Variants in ARHGEF3 observed in about 807,000 individuals in gnomAD.
ARHGEF3 encodes 59.8 kDA protein.
ARHGEF3 carries 28 observed loss-of-function variants against 63.2 expected under a neutral mutation model. That is an observed-to-expected ratio of 0.44 (90% CI 0.33 to 0.61). ARHGEF3 has a LOEUF of 0.61. Ranked by LOEUF, ARHGEF3 falls within the 20% of genes least tolerant of loss-of-function variation. The pLI, the probability that ARHGEF3 is intolerant of heterozygous loss-of-function variation, is 0.03. For synonymous variants in ARHGEF3, 266 were observed against 254.2 expected, an observed-to-expected ratio of 1.05 and a Z score of -0.44; for missense variants, 533 against 659.3, an observed-to-expected ratio of 0.81 and a Z score of 2.10.
intron 4 of ARHGEF3, among the ~76,000 whole-genome samples, chr3:56,844,151 A>T (rs1049326393): frequency 2.6e-5 from 4 of 152,270 alleles, no homozygotes; most frequent in Non-Finnish European, 5.9e-5. Flanking sequence ...TCGACAGTGC[A>T]GAATACAAAT....
chr3:56,916,276 G>C (rs558748394), intron 3 of ARHGEF3: 2 of 1,530,912 alleles, frequency 1.3e-6, no homozygotes, highest in African/African-American at 2.8e-5. Flanking sequence ...GTTGAGAGCC[G>C]GCCCATCCCA....
rs1240677418 is a variant in ARHGEF3 at position 56,960,102 on chromosome 3, T to C, written c.63-1213A>G. Among the ~76,000 whole-genome samples the C allele has an allele frequency of 3.9e-5, 6 of 152,212 alleles. No homozygotes were observed. The East Asian group carries it at 1.2e-3, about 29-fold the overall frequency. On this transcript the variant is annotated intron_variant, in intron 2 of 12. Coordinates refer to the ARHGEF3 transcript ENST00000338458. The stretch of plus-strand genomic sequence containing the variant: ...ACCAGTGTACAGGCTTTGTGGTATG[T>C]TAGAGCTGAGTAAAAATCTTGATTG...
chr3:57,050,932 G>A (rs1704643059), intron 1 of ARHGEF3, among the ~76,000 whole-genome samples: 1 of 152,192 alleles, frequency 6.6e-6, no homozygotes, highest in Admixed American at 6.5e-5. Flanking sequence ...AAAGCAAGAA[G>A]TGGCCTCAAT....
At chr3:56,877,996 G>A (rs2040646363) in intron 4 of ARHGEF3, among the ~76,000 whole-genome samples, 1 of 152,210 alleles carries the variant, frequency 6.6e-6, no homozygotes, top group South Asian at 2.1e-4. Context: ...TGGCTTTGAG[G>A]TGGGATTGTC....
chr3:56,790,027 G>A (rs2037004612), intron 1 of ARHGEF3, among the ~76,000 whole-genome samples: 1 of 152,180 alleles, frequency 6.6e-6, no homozygotes, highest in African/African-American at 2.4e-5. Context: ...CACCTTCTGG[G>A]AAACAATGAA....
intron 4 of ARHGEF3, among the ~76,000 whole-genome samples, chr3:56,822,597 A>G (rs2038550910): frequency 6.6e-6 from 1 of 152,206 alleles, no homozygotes. Context: ...GCAGTGATTC[A>G]TACCTATAAT....
intron 3 of ARHGEF3, among the ~76,000 whole-genome samples, chr3:56,907,475 T>G (rs71617299): frequency 0.14 from 20,709 of 152,120 alleles, 1,455 homozygotes; most frequent in Non-Finnish European, 0.14. Context: ...AATAAAGACC[T>G]AAAAACAGAA....
chr3:56,949,166 A>C (rs1171722620), intron 3 of ARHGEF3, among the ~76,000 whole-genome samples: 1 of 151,954 alleles, frequency 6.6e-6, no homozygotes, highest in East Asian at 1.9e-4. Flanking sequence ...ACCCACAGCC[A>C]ATATCATACT....
chr3:56,907,734 G>A (rs12635094), intron 3 of ARHGEF3, among the ~76,000 whole-genome samples: 31,359 of 152,134 alleles, frequency 0.21, 4,146 homozygotes, highest in East Asian at 0.5. Flanking sequence ...GATGAAGCTG[G>A]AGGCCATTAT....
chr3:56,988,540 C>A (rs1405088967), intron 2 of ARHGEF3, among the ~76,000 whole-genome samples: 1 of 152,138 alleles, frequency 6.6e-6, no homozygotes, highest in Non-Finnish European at 1.5e-5. Context: ...ATAGCATCAA[C>A]AAGATTAAAA....
chr3:56,967,570 A>C (rs1448935335), intron 2 of ARHGEF3, among the ~76,000 whole-genome samples: 1 of 91,348 alleles, frequency 1.1e-5, no homozygotes. Context: ...AATATATAAT[A>C]TATATTATAC....
At chr3:56,810,889 G>A (rs1372218633) in intron 4 of ARHGEF3, among the ~76,000 whole-genome samples, 2 of 152,184 alleles carry the variant, frequency 1.3e-5, no homozygotes, top group Admixed American at 6.5e-5. Context: ...CATACATAGT[G>A]TTATGAATCA....
chr3:57,020,522 G>C (rs1438671382), intron 2 of ARHGEF3, among the ~76,000 whole-genome samples: 1 of 152,214 alleles, frequency 6.6e-6, no homozygotes, highest in Non-Finnish European at 1.5e-5. Flanking sequence ...AGTTCCAGGA[G>C]AGAGCACGAA....
intron 2 of ARHGEF3, among the ~76,000 whole-genome samples, chr3:56,988,912 G>C (rs533453160): frequency 1.3e-5 from 2 of 152,264 alleles, no homozygotes; most frequent in East Asian, 1.9e-4. Flanking sequence ...CAGCAGATGC[G>C]GGTGTTAAAA....
At chr3:56,838,389 T>A (rs984627637) in intron 4 of ARHGEF3, among the ~76,000 whole-genome samples, 4 of 152,204 alleles carry the variant, frequency 2.6e-5, no homozygotes, top group Admixed American at 1.3e-4. Context: ...AAAATACGAT[T>A]CTATCACTTA....
intron 7 of ARHGEF3, among the ~76,000 whole-genome samples, chr3:56,739,584 G>C (rs185220107): frequency 6.6e-6 from 1 of 151,944 alleles, no homozygotes; most frequent in Admixed American, 6.6e-5. Context: ...ATTTTTCATG[G>C]AGATGGGTTT....
chr3:57,075,990 A>T (rs1455378317), intron 1 of ARHGEF3, among the ~76,000 whole-genome samples: 5 of 152,242 alleles, frequency 3.3e-5, no homozygotes, highest in Non-Finnish European at 5.9e-5. Flanking sequence ...ATTATATATT[A>T]AAAAACTTAT....
intron 1 of ARHGEF3, among the ~76,000 whole-genome samples, chr3:56,788,945 A>C (rs1475268196): frequency 2.0e-5 from 3 of 152,094 alleles, no homozygotes; most frequent in African/African-American, 4.8e-5. Flanking sequence ...CAAAGGAAGG[A>C]GCTACCTCCT....
chr3:56,742,881 A>T (rs1355238455), intron 7 of ARHGEF3, among the ~76,000 whole-genome samples: 1 of 152,200 alleles, frequency 6.6e-6, no homozygotes, highest in Non-Finnish European at 1.5e-5. Flanking sequence ...TCATATTCTT[A>T]TCTGTTTTTA....
Sources: gnomAD v4.1 joint callset for allele counts (sites outside exome capture counted in the v4.1 genomes callset) on GRCh38, gnomAD v4.1.1 for gene constraint, MANE v1.5 for transcripts, NCBI Gene and HGNC (gene_info 2026-07-23, HGNC 2026-07-21) for gene names.